Variants in GLCCI1 observed in about 807,000 individuals in gnomAD.
GLCCI1 encodes the protein glucocorticoid induced 1, also known as glucocorticoid-induced transcript 1 protein.
GLCCI1 carries 24 observed loss-of-function variants against 52.2 expected under a neutral mutation model. That is an observed-to-expected ratio of 0.46 (90% CI 0.33 to 0.65). GLCCI1 has a LOEUF of 0.65. Among genes scored for constraint, GLCCI1 ranks in the 30% least tolerant of loss-of-function variants. GLCCI1 has a pLI of 0.02. For synonymous variants in GLCCI1, 310 were observed against 276.5 expected, an observed-to-expected ratio of 1.12 and a Z score of -1.20; for missense variants, 704 against 701.5, an observed-to-expected ratio of 1.00 and a Z score of -0.04.
intron 1 of GLCCI1, among the ~76,000 whole-genome samples, chr7:7,971,787 T>G (rs1168090508): frequency 1.3e-5 from 2 of 152,222 alleles, no homozygotes; most frequent in Admixed American, 6.5e-5. Context: ...TTAATGCGAT[T>G]TTAATGCAAT....
At chr7:8,003,756 A>T (rs1781091355) in intron 1 of GLCCI1, 152 bp from the exon 2 acceptor site, 1 of 598,886 alleles carries the variant, frequency 1.7e-6, no homozygotes, top group Non-Finnish European at 2.8e-6. Context: ...CATGGTTCAT[A>T]CATTTCATCT....
At position 8,077,692 on chromosome 7, in the gene GLCCI1, T is replaced by C. The variant is rs569866968; in HGVS notation, c.1177+6561T>C. 2.0e-5 allele frequency among the ~76,000 whole-genome samples: 3 copies of C among 152,332 alleles called. No homozygotes were observed. In the East Asian group the frequency reaches 5.8e-4, roughly 29 times the overall value. ...CTTTAGGTAGGTGACATTGTCATTA[T>C]TAAAGGTGCCAGAATCTGAGGCTTA... is the stretch of plus-strand genomic sequence containing the variant. On this transcript the variant is annotated intron_variant, in intron 6 of 7. Transcript: ENST00000223145.
At chr7:8,047,960 T>C (rs986550275) in intron 3 of GLCCI1, among the ~76,000 whole-genome samples, 7 of 152,192 alleles carry the variant, frequency 4.6e-5, no homozygotes, top group African/African-American at 1.2e-4. Flanking sequence ...GGGTGACTTA[T>C]CATGGGTGAA....
chr7:8,061,283 G>A (rs889669255), intron 5 of GLCCI1, among the ~76,000 whole-genome samples: 1 of 151,988 alleles, frequency 6.6e-6, no homozygotes, highest in African/African-American at 2.4e-5. Flanking sequence ...TGTATTTTTA[G>A]TAGAGACGGG....
chr7:8,069,451 C>T (rs898473216), intron 5 of GLCCI1, among the ~76,000 whole-genome samples: 3 of 152,162 alleles, frequency 2.0e-5, no homozygotes, highest in Non-Finnish European at 4.4e-5. Flanking sequence ...CTTTCGGTTG[C>T]CTCTGGGAGC....
In GLCCI1 at chr7:7,976,851, G is replaced by A. The variant is rs572524745; in HGVS notation, c.457+7044G>A. 1.2e-3 allele frequency among the ~76,000 whole-genome samples: 180 copies of A among 151,846 alleles called. 2 individuals are homozygous for A. The highest frequency in any genetic ancestry group is 2.0e-3 in the Non-Finnish European group (139 of 67,932). The stretch of plus-strand genomic sequence containing the variant: ...CAAGGAGGATCACTTGAGCCCAGGC[G>A]GCAGAGGTTACAGTGAGCTGAAATC... On this transcript the variant is annotated intron_variant, in intron 1 of 7. Transcript: ENST00000223145.
rs566357892 is a variant in GLCCI1 at position 8,004,303 on chromosome 7, C to G, written c.609+244C>G. ...AGTCTATATTACATGGTTGTAGACACGTTGTAATTTTAAGAATTGCTTTCC... is the reference window on the plus strand; with the variant it reads ...AGTCTATATTACATGGTTGTAGACAGGTTGTAATTTTAAGAATTGCTTTCC... On this transcript the variant is annotated intron_variant, in intron 2 of 7. Coordinates refer to ENST00000223145, the MANE Select transcript of GLCCI1 (RefSeq NM_138426.4). The G allele has an allele frequency of 7.7e-4, 230 of 298,106 alleles. 3 individuals are homozygous for G. Among genetic ancestry groups the G allele is most frequent in the African/African-American group, 4.5e-3 (208 of 46,488 alleles). The allele number at this position is 298,106 out of a possible 1,614,324, so 18.5% of individuals were successfully genotyped here. A position where few individuals can be genotyped will look rare whatever the true frequency, so the allele number is the denominator to read the frequency against.
At chr7:7,987,898 G>A (rs917266113) in intron 1 of GLCCI1, among the ~76,000 whole-genome samples, 5 of 151,952 alleles carry the variant, frequency 3.3e-5, no homozygotes, top group East Asian at 1.9e-4. Context: ...TTTAAAATGC[G>A]TATCTCTGAA....
At position 8,023,855 on chromosome 7, in the gene GLCCI1, TC is replaced by T. The variant is rs569535463; in HGVS notation, c.696+1289del. 5.0e-3 allele frequency among the ~76,000 whole-genome samples: 755 copies of T among 152,068 alleles called. 1 individual carries two copies. The highest frequency in any genetic ancestry group is 9.1e-3 in the Admixed American group (139 of 15,262). ...CTTAAGCGATCTGCCCACCTCGGCCTCCCAAAGTGCTGAGATTACAGGCATG... is the reference window on the plus strand; with the variant it reads ...CTTAAGCGATCTGCCCACCTCGGCCTCCAAAGTGCTGAGATTACAGGCATG... On this transcript the variant is annotated intron_variant, in intron 3 of 7. Transcript: ENST00000223145.
chr7:8,036,869 A>G (rs1397471490), intron 3 of GLCCI1, among the ~76,000 whole-genome samples: 1 of 152,176 alleles, frequency 6.6e-6, no homozygotes, highest in African/African-American at 2.4e-5. Flanking sequence ...GAATTTTGAA[A>G]AATAAAGCCT....
intron 2 of GLCCI1, among the ~76,000 whole-genome samples, chr7:8,005,894 G>A (rs1318489817): frequency 6.6e-6 from 1 of 152,028 alleles, no homozygotes; most frequent in African/African-American, 2.4e-5. Flanking sequence ...CGCCTCCCAG[G>A]TTCAAGTGAT....
chr7:8,076,837 T>C (rs111416110), intron 6 of GLCCI1, among the ~76,000 whole-genome samples: 54 of 152,280 alleles, frequency 3.5e-4, no homozygotes, highest in African/African-American at 9.4e-4. Flanking sequence ...AATGGAGATT[T>C]TTTTGAGTAT....
chr7:8,067,300 C>T (rs565077014), intron 5 of GLCCI1, among the ~76,000 whole-genome samples: 12 of 152,098 alleles, frequency 7.9e-5, no homozygotes, highest in Non-Finnish European at 1.2e-4. Context: ...CTCTTAAAGA[C>T]GCCTACTGTT....
chr7:8,030,503 A>C (rs534698029), intron 3 of GLCCI1, among the ~76,000 whole-genome samples: 6 of 152,280 alleles, frequency 3.9e-5, no homozygotes, highest in African/African-American at 1.4e-4. Flanking sequence ...CTAATACCAC[A>C]CAAGCACAGG....
intron 2 of GLCCI1, among the ~76,000 whole-genome samples, chr7:8,015,805 G>T (rs1182610017): frequency 1.3e-5 from 2 of 152,158 alleles, no homozygotes; most frequent in East Asian, 1.9e-4. Context: ...AATACGTTAT[G>T]TGTTCATTTG....
At chr7:7,976,375 A>T (rs1201116622) in intron 1 of GLCCI1, among the ~76,000 whole-genome samples, 1 of 150,000 alleles carries the variant, frequency 6.7e-6, no homozygotes, top group African/African-American at 2.5e-5. Flanking sequence ...GTTACTCGGG[A>T]GGCTGAGACA....
chr7:8,042,127 T>C (rs1411925923), intron 3 of GLCCI1, among the ~76,000 whole-genome samples: 1 of 152,214 alleles, frequency 6.6e-6, no homozygotes, highest in Non-Finnish European at 1.5e-5. Flanking sequence ...ACAATTTGCC[T>C]GGTCACCCAA....
intron 2 of GLCCI1, among the ~76,000 whole-genome samples, chr7:8,005,271 AG>A (rs1318069992): frequency 6.6e-6 from 1 of 152,108 alleles, no homozygotes; most frequent in African/African-American, 2.4e-5. Context: ...AATTTTAAAA[AG>A]AAAAAAATTT....
chr7:8,079,635 G>A (rs1316386736), intron 6 of GLCCI1, among the ~76,000 whole-genome samples: 4 of 151,480 alleles, frequency 2.6e-5, no homozygotes, highest in Non-Finnish European at 5.9e-5. Flanking sequence ...TGTGGAAGAA[G>A]CACTGTACTT....
Sources: gnomAD v4.1 joint callset for allele counts (sites outside exome capture counted in the v4.1 genomes callset) on GRCh38, gnomAD v4.1.1 for gene constraint, MANE v1.5 for transcripts, NCBI Gene and HGNC (gene_info 2026-07-23, HGNC 2026-07-21) for gene names.